WASF2: variants seen among roughly 807,000 people sequenced by gnomAD.
The protein encoded by WASF2 is WASP family member 2.
Under a neutral mutation model 45.0 loss-of-function variants are expected in WASF2, and 14 were observed. That is an observed-to-expected ratio of 0.31 (90% confidence interval 0.21 to 0.49). The LOEUF is 0.49. WASF2 is among the 20% of genes least tolerant of loss of function. The pLI is 0.99. For synonymous variants in WASF2, 200 were observed against 236.3 expected (o/e 0.85, Z 1.41); for missense variants, 439 against 636.1 (o/e 0.69, Z 3.33).
chr1:27,440,493 G>A (rs1283809178), intron 1 of WASF2, among the ~76,000 whole-genome samples: 3 of 151,548 alleles, frequency 2.0e-5, no homozygotes, highest in Non-Finnish European at 4.4e-5. Flanking sequence ...CTGCACTCCA[G>A]CCTGGTGACA....
intron 2 of WASF2, among the ~76,000 whole-genome samples, chr1:27,420,201 C>G (rs1557598922): frequency 6.6e-6 from 1 of 152,112 alleles, no homozygotes; most frequent in Non-Finnish European, 1.5e-5. Flanking sequence ...GCCACCATGC[C>G]CGGCTTGTAA....
At chr1:27,480,454 T>C (rs2017831388) in intron 1 of WASF2, among the ~76,000 whole-genome samples, 1 of 151,226 alleles carries the variant, frequency 6.6e-6, no homozygotes, top group Admixed American at 6.6e-5. Context: ...GAGGCAGAGG[T>C]TGCAGTGAGA....
intron 1 of WASF2, among the ~76,000 whole-genome samples, chr1:27,486,574 T>C (rs959842998): frequency 6.6e-6 from 1 of 152,144 alleles, no homozygotes; most frequent in Non-Finnish European, 1.5e-5. Context: ...GACGGTGATA[T>C]TTGCATCCTC....
At chr1:27,482,009 T>C (rs1460739416) in intron 1 of WASF2, among the ~76,000 whole-genome samples, 1 of 152,232 alleles carries the variant, frequency 6.6e-6, no homozygotes, top group Admixed American at 6.5e-5. Flanking sequence ...CTTTTCTAAT[T>C]CAATTCTGTT....
At chr1:27,458,308 TAAAAAAAAAAAAAA>T (rs71010355) in intron 1 of WASF2, among the ~76,000 whole-genome samples, 174 of 29,424 alleles carry the variant, frequency 5.9e-3, no homozygotes, top group African/African-American at 0.019. Flanking sequence ...GCGAGATTCT[TAAAAAAAAAAAAAA>T]AAAAAAAAAA....
At chr1:27,421,502 A>C (rs1427623561) in intron 2 of WASF2, among the ~76,000 whole-genome samples, 1 of 152,034 alleles carries the variant, frequency 6.6e-6, no homozygotes, top group African/African-American at 2.4e-5. Flanking sequence ...ATATGGCAAA[A>C]CCCTGCCTCT....
At chr1:27,474,494 G>T (rs2017738263) in intron 1 of WASF2, among the ~76,000 whole-genome samples, 1 of 151,960 alleles carries the variant, frequency 6.6e-6, no homozygotes, top group Non-Finnish European at 1.5e-5. Context: ...CAATTAGGCT[G>T]GGCATGGTGG....
chr1:27,474,206 AC>A (rs1253699728), intron 1 of WASF2, among the ~76,000 whole-genome samples: 1 of 152,238 alleles, frequency 6.6e-6, no homozygotes, highest in Admixed American at 6.5e-5. Flanking sequence ...GGAGATAGAT[AC>A]ATAGGAGTTC....
At chr1:27,432,647 CAAAAAA>C (rs558826790) in intron 1 of WASF2, among the ~76,000 whole-genome samples, 10 of 51,388 alleles carry the variant, frequency 1.9e-4, no homozygotes, top group African/African-American at 8.0e-4. Context: ...AACTCTGTCT[CAAAAAA>C]AAAAAAAAAA....
At chr1:27,443,250 C>T (rs532230155) in intron 1 of WASF2, among the ~76,000 whole-genome samples, 12 of 143,650 alleles carry the variant, frequency 8.4e-5, no homozygotes, top group South Asian at 4.4e-4. Flanking sequence ...GTGAAAGCAT[C>T]GCTTGACTCC....
intron 1 of WASF2, among the ~76,000 whole-genome samples, chr1:27,432,472 C>T (rs955248060): frequency 3.3e-5 from 5 of 151,522 alleles, no homozygotes; most frequent in Admixed American, 6.6e-5. Flanking sequence ...CATGGTGAAA[C>T]GCCGTCTCTA....
At chr1:27,485,495 T>C (rs1439357875) in intron 1 of WASF2, among the ~76,000 whole-genome samples, 1 of 152,160 alleles carries the variant, frequency 6.6e-6, no homozygotes, top group South Asian at 2.1e-4. Flanking sequence ...GAGGGTGTCA[T>C]TCTAAAATTT....
intron 1 of WASF2, among the ~76,000 whole-genome samples, chr1:27,466,886 T>C (rs956584503): frequency 6.6e-6 from 1 of 152,052 alleles, no homozygotes; most frequent in Non-Finnish European, 1.5e-5. Flanking sequence ...TAATTTTTTA[T>C]TGATTATATG....
intron 2 of WASF2, among the ~76,000 whole-genome samples, chr1:27,420,888 C>CT (rs939263178): frequency 6.6e-6 from 1 of 152,044 alleles, no homozygotes; most frequent in Non-Finnish European, 1.5e-5. Context: ...AAATGATAAT[C>CT]TTTTTTTGAG....
chr1:27,462,150 G>T (rs2017554707), intron 1 of WASF2, among the ~76,000 whole-genome samples: 1 of 150,852 alleles, frequency 6.6e-6, no homozygotes, highest in African/African-American at 2.4e-5. Context: ...GCGAATTTTT[G>T]TATTTTTAAT....
intron 1 of WASF2, among the ~76,000 whole-genome samples, chr1:27,478,601 A>G (rs2017803153): frequency 6.6e-6 from 1 of 152,016 alleles, no homozygotes; most frequent in South Asian, 2.1e-4. Context: ...CCTTTTTTTG[A>G]GATGGAGTTT....
intron 1 of WASF2, among the ~76,000 whole-genome samples, chr1:27,470,194 C>T (rs1182255555): frequency 1.3e-5 from 2 of 152,142 alleles, no homozygotes; most frequent in Non-Finnish European, 2.9e-5. Flanking sequence ...GGAAACAGAG[C>T]TGGAAAGACA....
intron 2 of WASF2, among the ~76,000 whole-genome samples, chr1:27,424,941 G>C (rs2016957505): frequency 6.6e-6 from 1 of 152,216 alleles, no homozygotes; most frequent in East Asian, 1.9e-4. Flanking sequence ...GGCCTTGAAG[G>C]ATCAGCTACA....
At chr1:27,413,783 T>C (rs1301770935) in intron 6 of WASF2, among the ~76,000 whole-genome samples, 3 of 152,200 alleles carry the variant, frequency 2.0e-5, no homozygotes, top group Non-Finnish European at 4.4e-5. Context: ...CTATGACAAG[T>C]GCCTGTCTGA....
Sources: gnomAD v4.1 joint callset for allele counts (sites outside exome capture counted in the v4.1 genomes callset) on GRCh38, gnomAD v4.1.1 for gene constraint, MANE v1.5 for transcripts, NCBI Gene and HGNC (gene_info 2026-07-23, HGNC 2026-07-21) for gene names.